ARK2C: variants seen among roughly 807,000 people sequenced by gnomAD.
The protein encoded by ARK2C is arkadia (RNF111) C-terminal like ring finger ubiquitin ligase 2C, also known as E3 ubiquitin-protein ligase ARK2C.
At chr18:46,433,044 C>T in the ARK2C span, 4 of 568,078 alleles carry the variant, frequency 7.0e-6, no homozygotes, top group Non-Finnish European at 1.2e-5. Context: ...AGGATGACCA[C>T]ATGCCTCTAA....
the ARK2C span, among the ~76,000 whole-genome samples, chr18:46,375,212 C>T: frequency 6.6e-6 from 1 of 152,212 alleles, no homozygotes; most frequent in Non-Finnish European, 1.5e-5. Context: ...CTGTCACTGG[C>T]CGCATCTATA....
At chr18:46,396,392 G>T in the ARK2C span, among the ~76,000 whole-genome samples, 1 of 152,168 alleles carries the variant, frequency 6.6e-6, no homozygotes. Context: ...GCGTTAGTGG[G>T]TTCAGGCTCT....
the ARK2C span, among the ~76,000 whole-genome samples, chr18:46,405,337 G>C: frequency 6.6e-6 from 1 of 152,166 alleles, no homozygotes; most frequent in East Asian, 1.9e-4. Flanking sequence ...AGCCAGGGAA[G>C]CTCTGCAGGT....
the ARK2C span, among the ~76,000 whole-genome samples, chr18:46,345,486 T>C: frequency 1.5e-3 from 232 of 152,262 alleles, no homozygotes; most frequent in East Asian, 0.01. Context: ...TCAGCTGGTG[T>C]CTCTCAGCCA....
the ARK2C span, among the ~76,000 whole-genome samples, chr18:46,441,772 C>T: frequency 6.7e-6 from 1 of 150,194 alleles, no homozygotes; most frequent in Non-Finnish European, 1.5e-5. Flanking sequence ...CCTGTAGTCC[C>T]AGCTACTCGG....
At chr18:46,384,638 A>C in the ARK2C span, among the ~76,000 whole-genome samples, 3 of 152,174 alleles carry the variant, frequency 2.0e-5, no homozygotes, top group South Asian at 6.2e-4. Flanking sequence ...GCCTCCCAAC[A>C]GAGAGGGGAC....
the ARK2C span, among the ~76,000 whole-genome samples, chr18:46,368,070 G>A: frequency 6.6e-6 from 1 of 152,166 alleles, no homozygotes; most frequent in Non-Finnish European, 1.5e-5. Context: ...CTTGGGTTGG[G>A]CTTGAGACTC....
chr18:46,438,516 T>A, the ARK2C span, among the ~76,000 whole-genome samples: 1 of 152,332 alleles, frequency 6.6e-6, no homozygotes, highest in South Asian at 2.1e-4. Context: ...TCCTTGAACA[T>A]TTGTTTTGAA....
the ARK2C span, among the ~76,000 whole-genome samples, chr18:46,432,409 T>C: frequency 6.6e-6 from 1 of 152,202 alleles, no homozygotes; most frequent in Non-Finnish European, 1.5e-5. Context: ...TAAAAGTGTA[T>C]GCAAAACAAC....
At chr18:46,359,499 A>C in the ARK2C span, among the ~76,000 whole-genome samples, 1 of 152,304 alleles carries the variant, frequency 6.6e-6, no homozygotes, top group Non-Finnish European at 1.5e-5. Context: ...GCCAGGGCTC[A>C]TGGCTTGTCC....
the ARK2C span, chr18:46,334,241 A>AGCCGCCGCC: frequency 2.8e-6 from 4 of 1,414,562 alleles, no homozygotes; most frequent in South Asian, 5.6e-5. This position sits in a 1 kb window ranked among gnomAD's most constrained non-coding sequence, Gnocchi z 4.4. Flanking sequence ...GCCCGCGCGC[A>AGCCGCCGCC]GCCGCCGCCG....
the ARK2C span, among the ~76,000 whole-genome samples, chr18:46,381,640 G>A: frequency 6.6e-6 from 1 of 152,102 alleles, no homozygotes; most frequent in Non-Finnish European, 1.5e-5. Context: ...AGACCAGCCT[G>A]GCAACATAGT....
the ARK2C span, chr18:46,337,258 G>A: frequency 1.0e-6 from 1 of 985,338 alleles, no homozygotes; most frequent in South Asian, 4.7e-5. Context: ...CCAGCAAAAT[G>A]GTTTTCCATT....
chr18:46,434,847 A>G, the ARK2C span, among the ~76,000 whole-genome samples: 1 of 152,164 alleles, frequency 6.6e-6, no homozygotes, highest in Non-Finnish European at 1.5e-5. Flanking sequence ...GACCTGTGCC[A>G]TGAAAGCTGG....
At chr18:46,461,839 G>A in the ARK2C span, 1,450 of 152,302 alleles carry the variant, frequency 9.5e-3, 26 homozygotes, top group African/African-American at 0.033. Context: ...AGGTGGACAC[G>A]TATAGGACGT....
At chr18:46,428,148 C>G in the ARK2C span, among the ~76,000 whole-genome samples, 1 of 151,684 alleles carries the variant, frequency 6.6e-6, no homozygotes, top group African/African-American at 2.4e-5. Context: ...CAGTGGCTCA[C>G]GTCTGTAATC....
the ARK2C span, among the ~76,000 whole-genome samples, chr18:46,392,565 C>T: frequency 0.23 from 20 of 86 alleles, no homozygotes; most frequent in Non-Finnish European, 0.29. Flanking sequence ...TCAGTGGACA[C>T]GGCTCAGAGG....
chr18:46,418,396 T>A, the ARK2C span, among the ~76,000 whole-genome samples: 3 of 152,212 alleles, frequency 2.0e-5, no homozygotes, highest in Non-Finnish European at 4.4e-5. Context: ...TGTAATAATA[T>A]ACATTATTTA....
At chr18:46,339,998 C>G in the ARK2C span, among the ~76,000 whole-genome samples, 1 of 152,190 alleles carries the variant, frequency 6.6e-6, no homozygotes, top group Admixed American at 6.5e-5. Flanking sequence ...AGCAGGGACC[C>G]CTTTTCTGAA....
Sources: gnomAD v4.1 joint callset for allele counts (sites outside exome capture counted in the v4.1 genomes callset) on GRCh38, gnomAD v4.1.1 for gene constraint, Gnocchi (gnomAD v3.1) non-coding constraint, MANE v1.5 for transcripts, NCBI Gene and HGNC (gene_info 2026-07-23, HGNC 2026-07-21) for gene names.